ARPP21: variants seen among roughly 807,000 people sequenced by gnomAD.
The protein encoded by ARPP21 is cAMP-regulated phosphoprotein 21.
In ARPP21, 69 loss-of-function variants were observed where a neutral mutation model predicts 113.2. The ratio of observed to expected loss-of-function variants is 0.61; its 90% confidence interval spans 0.50 to 0.74. The LOEUF is 0.74. Ranked by LOEUF, ARPP21 falls within the 30% of genes least tolerant of loss-of-function variation. ARPP21 has a pLI of 0.00. For missense variants in ARPP21, 1,070 were observed against 1,037.4 expected, an observed-to-expected ratio of 1.03 and a Z score of -0.43; for synonymous variants, 368 against 375.5, an observed-to-expected ratio of 0.98 and a Z score of 0.23.
intron 1 of ARPP21, among the ~76,000 whole-genome samples, chr3:35,672,772 A>G (rs1480546110): frequency 6.6e-6 from 1 of 152,072 alleles, no homozygotes; most frequent in Non-Finnish European, 1.5e-5. Context: ...TGGGGAATCC[A>G]GTGATTGAAC....
In ARPP21 at chr3:35,710,769, A is replaced by T. The variant is rs2090876361; in HGVS notation, c.897+1699A>T. The stretch of plus-strand genomic sequence containing the variant: ...TGTCACTAATGCCTGTCTGTAATGA[A>T]GATGACACCTGTCCTGCTTATTTCA... On this transcript the variant is annotated intron_variant, in intron 11 of 20. Transcript: ENST00000684406. Among the ~76,000 whole-genome samples the T allele has an allele frequency of 2.6e-5, 4 of 152,328 alleles. No homozygotes were observed. In the South Asian group the frequency reaches 8.3e-4, roughly 32 times the overall value.
At chr3:35,745,548 G>A (rs1466870899) in intron 19 of ARPP21, among the ~76,000 whole-genome samples, 3 of 152,012 alleles carry the variant, frequency 2.0e-5, no homozygotes, top group South Asian at 2.1e-4. Context: ...ACAAAGAAAC[G>A]CAGTTACAAA....
In ARPP21 at chr3:35,683,010, C is replaced by T. The variant is rs538213018; in HGVS notation, c.171+121C>T. 1.2e-5 allele frequency: 11 copies of T among 920,214 alleles called. No individual in the cohort carries two copies. In the Admixed American group the frequency reaches 1.5e-4, roughly 13 times the overall value. 57.0% of individuals were successfully genotyped at this position (920,214 alleles called of 1,614,324 possible). On this transcript the variant is annotated intron_variant, in intron 4 of 20. Transcript: ENST00000684406. ...TGTGTCCAGATATTGTGGGGCATCT[C>T]GGCTGTACTGGTGCTGGCTGTTTTT... is the stretch of plus-strand genomic sequence containing the variant.
chr3:35,731,993 A>C lies in ARPP21; in HGVS notation c.1459+2457A>C, dbSNP rs2094009414. On this transcript the variant is annotated intron_variant, in intron 15 of 20. Transcript: ENST00000684406. ...GTTGCTTCTCCAGAATGGATAAAAA[A>C]GTCTTAGGCACTGTACTGGTGCTCA... 2.0e-5 allele frequency among the ~76,000 whole-genome samples: 3 copies of C among 152,310 alleles called. No individual in the cohort carries two copies. The South Asian group carries it at 6.2e-4, about 32-fold the overall frequency.
intron 19 of ARPP21, among the ~76,000 whole-genome samples, chr3:35,757,894 T>C (rs1216249427): frequency 6.6e-6 from 1 of 152,146 alleles, no homozygotes; most frequent in Non-Finnish European, 1.5e-5. Context: ...AGTAAAACTG[T>C]ATTTTCAGAT....
intron 19 of ARPP21, among the ~76,000 whole-genome samples, chr3:35,744,836 G>A (rs1403363420): frequency 6.6e-6 from 1 of 152,206 alleles, no homozygotes; most frequent in African/African-American, 2.4e-5. Flanking sequence ...ACAGATACAT[G>A]TATGTAATAT....
intron 19 of ARPP21, among the ~76,000 whole-genome samples, chr3:35,769,617 C>G (rs1192792125): frequency 6.6e-6 from 1 of 152,164 alleles, no homozygotes; most frequent in Non-Finnish European, 1.5e-5. Flanking sequence ...GGCTCCTCTG[C>G]TTTACTGCCT....
chr3:35,778,226 A>AT (rs760583956), intron 19 of ARPP21, among the ~76,000 whole-genome samples: 1 of 152,186 alleles, frequency 6.6e-6, no homozygotes, highest in Non-Finnish European at 1.5e-5. Flanking sequence ...TTTGAAGGGA[A>AT]GGGGAGTGCT....
At chr3:35,765,319 G>A (rs2095927599) in intron 19 of ARPP21, among the ~76,000 whole-genome samples, 1 of 152,046 alleles carries the variant, frequency 6.6e-6, no homozygotes, top group Non-Finnish European at 1.5e-5. Context: ...GAGAGTGATA[G>A]CAAAGCTTGT....
At chr3:35,747,378 A>C (rs1348115800) in intron 19 of ARPP21, among the ~76,000 whole-genome samples, 5 of 151,044 alleles carry the variant, frequency 3.3e-5, no homozygotes, top group Non-Finnish European at 5.9e-5. Flanking sequence ...AAAAAAAAAA[A>C]GAACACTAAT....
intron 1 of ARPP21, among the ~76,000 whole-genome samples, chr3:35,656,668 G>T (rs932371356): frequency 6.6e-6 from 1 of 151,822 alleles, no homozygotes; most frequent in African/African-American, 2.4e-5. Context: ...CAAAGGGAGG[G>T]GTGTCACTGT....
intron 1 of ARPP21, among the ~76,000 whole-genome samples, chr3:35,677,244 A>G (rs542617882): frequency 3.9e-5 from 6 of 151,974 alleles, no homozygotes; most frequent in African/African-American, 9.6e-5. Flanking sequence ...TTCTTTCCCA[A>G]TTGGTAGCAC....
In ARPP21 at chr3:35,748,114, A is replaced by AAAGAAAGAAAG. The variant is rs1559838068; in HGVS notation, c.2137+4152_2137+4162dup. 7.9e-3 allele frequency among the ~76,000 whole-genome samples: 718 copies of AAAGAAAGAAAG among 90,640 alleles called. 9 individuals carry two copies. Among genetic ancestry groups the AAAGAAAGAAAG allele is most frequent in the African/African-American group, 0.013 (232 of 17,754 alleles). 59.5% of individuals were successfully genotyped at this position (90,640 alleles called of 152,430 possible). Reference sequence around the variant, plus strand: ...AGAAAGAAAGAAAGAAAGAAAGAAGAAAGAAAGAAAGAAAAGAAAGAAAGG... The same window carrying AAAGAAAGAAAG: ...AGAAAGAAAGAAAGAAAGAAAGAAGAAAGAAAGAAAGAAGAAAGAAAGAAAAGAAAGAAAGG... On this transcript the variant is annotated intron_variant, in intron 19 of 20. Transcript: ENST00000684406.
chr3:35,777,953 A>C (rs1466230295), intron 19 of ARPP21, among the ~76,000 whole-genome samples: 1 of 152,234 alleles, frequency 6.6e-6, no homozygotes, highest in Non-Finnish European at 1.5e-5. Flanking sequence ...CTATGAGTCA[A>C]ACACTCTACC....
chr3:35,682,973 A>G (rs1272486038), intron 4 of ARPP21, 84 bp downstream of exon 4: 3 of 1,289,140 alleles, frequency 2.3e-6, no homozygotes, highest in South Asian at 1.4e-5. Context: ...ATTTGCCAGC[A>G]TTTCAGATGA....
intron 1 of ARPP21, among the ~76,000 whole-genome samples, chr3:35,671,111 G>C (rs1264935484): frequency 6.6e-6 from 1 of 152,018 alleles, no homozygotes; most frequent in South Asian, 2.1e-4. Flanking sequence ...CACTCCCCTG[G>C]CTGCTTTCCT....
chr3:35,676,638 T>C (rs1029793416), intron 1 of ARPP21, among the ~76,000 whole-genome samples: 3 of 151,886 alleles, frequency 2.0e-5, no homozygotes, highest in African/African-American at 7.2e-5. Flanking sequence ...ATTGAACGAT[T>C]GCATTTTGGG....
intron 1 of ARPP21, chr3:35,642,521 C>T (rs998096137): frequency 2.6e-5 from 4 of 152,050 alleles, no homozygotes; most frequent in East Asian, 1.9e-4. Flanking sequence ...TAGGTGTTTT[C>T]GTAAACCTCT....
chr3:35,689,679 G>T (rs2081661448), intron 7 of ARPP21, among the ~76,000 whole-genome samples: 2 of 151,508 alleles, frequency 1.3e-5, no homozygotes, highest in Non-Finnish European at 1.5e-5. Context: ...AATTATTGTT[G>T]TCAAATAAGC....
Sources: allele counts gnomAD v4.1 joint callset (sites outside exome capture counted in the v4.1 genomes callset), GRCh38; gene constraint gnomAD v4.1.1; transcripts MANE v1.5; gene names NCBI Gene and HGNC (gene_info 2026-07-23, HGNC 2026-07-21).